The following TCERG1L variants were observed in gnomAD, a reference collection of about 807,000 sequenced individuals.
TCERG1L encodes the protein transcription elongation regulator 1 like.
A neutral mutation model predicts 56.3 loss-of-function variants in TCERG1L; 37 were observed. That is an observed-to-expected ratio of 0.66 (90% CI 0.51 to 0.87). The LOEUF (loss-of-function observed/expected upper bound fraction) is 0.87. Among genes scored for constraint, TCERG1L ranks in the 40% least tolerant of loss-of-function variants. TCERG1L has a pLI of 0.00. For synonymous variants in TCERG1L, 324 were observed against 326.3 expected, an observed-to-expected ratio of 0.99 and a Z score of 0.08; for missense variants, 799 against 774.2, an observed-to-expected ratio of 1.03 and a Z score of -0.38.
chr10:131,252,646 T>G (rs1846124901), intron 4 of TCERG1L, among the ~76,000 whole-genome samples: 1 of 152,116 alleles, frequency 6.6e-6, no homozygotes, highest in Non-Finnish European at 1.5e-5. Context: ...AGGGACCGCC[T>G]CCTCTACCGA....
At chr10:131,242,657 T>C (rs200379166) in intron 4 of TCERG1L, among the ~76,000 whole-genome samples, 2 of 152,206 alleles carry the variant, frequency 1.3e-5, no homozygotes, top group African/African-American at 4.8e-5. Context: ...CTTGCAGAAA[T>C]ACATACTCGT....
intron 4 of TCERG1L, among the ~76,000 whole-genome samples, chr10:131,225,569 G>A (rs1033670429): frequency 3.3e-5 from 5 of 152,136 alleles, no homozygotes; most frequent in Non-Finnish European, 5.9e-5. Context: ...TTTCAAGACC[G>A]AGTCCCTATT....
chr10:131,196,261 T>C (rs1247235017), intron 4 of TCERG1L, among the ~76,000 whole-genome samples: 2 of 152,174 alleles, frequency 1.3e-5, no homozygotes, highest in African/African-American at 2.4e-5. Flanking sequence ...CTGTGAAATA[T>C]CCTCCATCCA....
chr10:131,166,983 T>C, intron 4 of TCERG1L, 98 bp from the exon 5 acceptor site: 2 of 1,056,810 alleles, frequency 1.9e-6, no homozygotes, highest in Middle Eastern at 2.0e-4. Context: ...AAGATTAGAA[T>C]TGGTCAGTAG....
chr10:131,273,837 G>A (rs987533831), intron 3 of TCERG1L, among the ~76,000 whole-genome samples: 4 of 152,276 alleles, frequency 2.6e-5, no homozygotes, highest in East Asian at 3.9e-4. Flanking sequence ...AGTGGATGCC[G>A]GGAAGCCCCA....
Position 131,093,012 on chromosome 10 carries a change from A to T in TCERG1L, c.*150T>A, listed in dbSNP as rs1005971376. 1 of 670,850 alleles carries T rather than the reference A, an allele frequency of 1.5e-6. No individual in the cohort carries two copies. Among genetic ancestry groups the T allele is most frequent in the African/African-American group, 1.8e-5 (1 of 55,184 alleles). The allele number at this position is 670,850 out of a possible 1,614,324, so 41.6% of individuals were successfully genotyped here. ...GAGAGAGCTTCAATATGAAACAGTAATCCTCTGAGAACGAAGACCCCGCAG... is the reference window on the plus strand; with the variant it reads ...GAGAGAGCTTCAATATGAAACAGTATTCCTCTGAGAACGAAGACCCCGCAG... On this transcript the variant is annotated 3_prime_UTR_variant, in exon 12 of 12. Coordinates refer to ENST00000368642, the MANE Select transcript of TCERG1L (RefSeq NM_174937.4).
chr10:131,200,875 C>G (rs1190149597), intron 4 of TCERG1L, among the ~76,000 whole-genome samples: 1 of 152,138 alleles, frequency 6.6e-6, no homozygotes, highest in Non-Finnish European at 1.5e-5. Flanking sequence ...GCTTAGATCA[C>G]AAGGGATCCT....
chr10:131,212,032 A>G (rs1402504942), intron 4 of TCERG1L, among the ~76,000 whole-genome samples: 22 of 152,166 alleles, frequency 1.4e-4, no homozygotes, highest in Admixed American at 1.2e-3. Context: ...GGGTGATTCT[A>G]AGGTTTTGTG....
intron 3 of TCERG1L, among the ~76,000 whole-genome samples, chr10:131,290,270 C>T (rs1056369454): frequency 1.3e-5 from 2 of 152,180 alleles, no homozygotes; most frequent in South Asian, 2.1e-4. Context: ...CAGGTGTGTA[C>T]ATGTTCACAC....
At chr10:131,165,923 T>TTAAA (rs1375333628) in intron 5 of TCERG1L, among the ~76,000 whole-genome samples, 7 of 152,190 alleles carry the variant, frequency 4.6e-5, no homozygotes, top group African/African-American at 1.7e-4. Flanking sequence ...AAGAAAGGAG[T>TTAAA]TATTTAAGGC....
At chr10:131,262,817 C>T (rs1318247832) in intron 3 of TCERG1L, among the ~76,000 whole-genome samples, 1 of 152,142 alleles carries the variant, frequency 6.6e-6, no homozygotes. Flanking sequence ...CCCTGGCCTC[C>T]GCCTGTTCAT....
At chr10:131,093,463 C>T in intron 11 of TCERG1L, 145 bp from the exon 12 acceptor site, 3 of 925,844 alleles carry the variant, frequency 3.2e-6, no homozygotes, top group Non-Finnish European at 4.9e-6. Context: ...GGGTGAGCGG[C>T]TCTGACCAGC....
At chr10:131,265,470 T>A (rs1846275793) in intron 3 of TCERG1L, among the ~76,000 whole-genome samples, 1 of 152,192 alleles carries the variant, frequency 6.6e-6, no homozygotes, top group South Asian at 2.1e-4. Flanking sequence ...CCTGGTATTA[T>A]CATAAAACTT....
At chr10:131,277,493 G>C (rs1846405539) in intron 3 of TCERG1L, among the ~76,000 whole-genome samples, 1 of 152,156 alleles carries the variant, frequency 6.6e-6, no homozygotes, top group African/African-American at 2.4e-5. Context: ...CCCACCTCCT[G>C]GCGAGCACAC....
intron 6 of TCERG1L, among the ~76,000 whole-genome samples, chr10:131,152,338 G>C (rs1845874325): frequency 6.6e-6 from 1 of 152,152 alleles, no homozygotes. Context: ...TCTACGGCAA[G>C]GGCAAAAAGC....
intron 3 of TCERG1L, among the ~76,000 whole-genome samples, chr10:131,297,807 CTATTTCAAATAACT>C (rs972076959): frequency 2.6e-5 from 4 of 151,996 alleles, no homozygotes; most frequent in African/African-American, 9.7e-5. Flanking sequence ...TTTTCTATTT[CTATTTCAAATAACT>C]TATTTCATCT....
Position 131,093,230 on chromosome 10 carries a change from T to C in TCERG1L, c.1693A>G (p.Asn565Asp). The C allele has an allele frequency of 6.2e-7, 1 of 1,613,950 alleles. No individual in the cohort carries two copies. Among genetic ancestry groups the C allele is most frequent in the Non-Finnish European group, 8.5e-7 (1 of 1,179,840 alleles). ...TTCTTAAGAATAAGTATGAATTGGT[T>C]GAAAAAATGCTCCTGGTCCTTTCTT... is the stretch of plus-strand genomic sequence containing the variant. ...QKRKDQEHFFNQFILILKKRD... is the reference protein window; with the variant it reads ...QKRKDQEHFFDQFILILKKRD... The change falls in exon 12 of 12, where the codon AAC (asparagine) becomes GAC (aspartate). Residue 565 changes from asparagine (N) to aspartate (D), a missense_variant. Physicochemically the swap from Asn to Asp is conservative, Grantham distance 23 (BLOSUM62 1). Transcript: ENST00000368642.
At chr10:131,130,124 C>T (rs1470266735) in intron 8 of TCERG1L, among the ~76,000 whole-genome samples, 3 of 151,298 alleles carry the variant, frequency 2.0e-5, no homozygotes, top group Admixed American at 6.6e-5. Flanking sequence ...ATTCACAGTT[C>T]CACGGTTCTG....
intron 11 of TCERG1L, among the ~76,000 whole-genome samples, chr10:131,097,064 G>A (rs1179674458): frequency 1.3e-5 from 2 of 151,642 alleles, no homozygotes; most frequent in African/African-American, 4.8e-5. Context: ...GCTGTGCATG[G>A]TAGTGGGTGC....
Sources: gnomAD v4.1 joint callset for allele counts (sites outside exome capture counted in the v4.1 genomes callset) on GRCh38, gnomAD v4.1.1 for gene constraint, MANE v1.5 for transcripts, NCBI Gene and HGNC (gene_info 2026-07-23, HGNC 2026-07-21) for gene names.